The following CACNA2D3 variants were observed in gnomAD, a reference collection of about 807,000 sequenced individuals.
CACNA2D3 encodes calcium voltage-gated channel auxiliary subunit alpha2delta 3.
Under a neutral mutation model 160.6 loss-of-function variants are expected in CACNA2D3, and 60 were observed. That is an observed-to-expected ratio of 0.37 (90% CI 0.30 to 0.46). The LOEUF is 0.46. Ranked by LOEUF, CACNA2D3 falls within the 20% of genes least tolerant of loss-of-function variation. The pLI, the probability that CACNA2D3 is intolerant of heterozygous loss-of-function variation, is 1.00. For synonymous variants in CACNA2D3, 558 were observed against 492.9 expected (o/e 1.13, Z -1.75); for missense variants, 1,205 against 1,365.0 (o/e 0.88, Z 1.85).
intron 21 of CACNA2D3, 132 bp from the exon 22 acceptor site, chr3:54,885,149 C>T (rs1699892284): frequency 8.8e-6 from 7 of 794,320 alleles, no homozygotes; most frequent in East Asian, 2.5e-5. Context: ...AAACCTGCTG[C>T]TCCAAGGCAG....
At chr3:54,210,641 T>C (rs1203757551) in intron 2 of CACNA2D3, among the ~76,000 whole-genome samples, 1 of 152,192 alleles carries the variant, frequency 6.6e-6, no homozygotes. Context: ...CGGGCCATCA[T>C]GTCCTGGAGG....
intron 37 of CACNA2D3, 56 bp from the exon 38 acceptor site, chr3:55,074,058 G>GTTGAAGGTGTCCTGGAGTCTAT: frequency 6.9e-7 from 1 of 1,441,474 alleles, no homozygotes; most frequent in Non-Finnish European, 9.8e-7. Context: ...TCTGGGGAAA[G>GTTGAAGGTGTCCTGGAGTCTAT]TTGAAGGTGT....
At chr3:54,501,892 T>A (rs1225806341) in intron 4 of CACNA2D3, among the ~76,000 whole-genome samples, 1 of 152,236 alleles carries the variant, frequency 6.6e-6, no homozygotes, top group Admixed American at 6.5e-5. Flanking sequence ...GGTAATTTCA[T>A]GGGATACAGA....
chr3:54,149,267 GCACACACACACACA>G (rs3060363), intron 2 of CACNA2D3, among the ~76,000 whole-genome samples: 1 of 144,328 alleles, frequency 6.9e-6, no homozygotes, highest in African/African-American at 2.6e-5. Context: ...GGTCCCATGT[GCACACACACACACA>G]CACACACACA....
intron 9 of CACNA2D3, among the ~76,000 whole-genome samples, chr3:54,613,732 T>C (rs1170434971): frequency 1.3e-5 from 2 of 152,234 alleles, no homozygotes; most frequent in Non-Finnish European, 2.9e-5. Context: ...CATGGTGCGC[T>C]GTGTTCCTTT....
Position 54,386,699 on chromosome 3 carries a change from T to TG in CACNA2D3, c.322-16_322-15insG. Reference sequence around the variant, plus strand: ...GATCCTTAATGCTGTCTTCTGTTTTTTTTTTTTTTTTTTAGCGTCTGGTGG... The same window carrying TG: ...GATCCTTAATGCTGTCTTCTGTTTTTGTTTTTTTTTTTTTAGCGTCTGGTGG... On this transcript the variant is annotated splice_polypyrimidine_tract_variant and intron_variant, in intron 3 of 37. Transcript: ENST00000474759. 6.7e-7 allele frequency: 1 copy of TG among 1,486,482 alleles called. No individual in the cohort carries two copies. The highest frequency in any genetic ancestry group is 8.9e-7 in the Non-Finnish European group (1 of 1,117,708). 92.1% of individuals were successfully genotyped at this position (1,486,482 alleles called of 1,614,324 possible). A position where few individuals can be genotyped will look rare whatever the true frequency, so the allele number is the denominator to read the frequency against.
intron 4 of CACNA2D3, among the ~76,000 whole-genome samples, chr3:54,490,058 G>A (rs1189121368): frequency 6.6e-6 from 1 of 152,182 alleles, no homozygotes; most frequent in Non-Finnish European, 1.5e-5. Flanking sequence ...TGTTTGTTTG[G>A]CTCATGTAGA....
chr3:55,028,044 C>T (rs144873157), intron 35 of CACNA2D3, among the ~76,000 whole-genome samples: 3 of 152,196 alleles, frequency 2.0e-5, no homozygotes. Flanking sequence ...ACCCATATAG[C>T]AGAAGTCTTT....
intron 4 of CACNA2D3, among the ~76,000 whole-genome samples, chr3:54,462,773 G>C (rs372440966): frequency 2.6e-5 from 4 of 152,000 alleles, no homozygotes; most frequent in African/African-American, 4.8e-5. Context: ...TAGTCCATTT[G>C]CATTTAAAGT....
chr3:54,694,030 G>A (rs1004460585), intron 11 of CACNA2D3, among the ~76,000 whole-genome samples: 4 of 152,152 alleles, frequency 2.6e-5, no homozygotes, highest in African/African-American at 4.8e-5. Flanking sequence ...CTTCTAAAGT[G>A]TACAGGAATA....
At chr3:54,885,718 C>A in intron 23 of CACNA2D3, 132 bp downstream of exon 23, 1 of 660,952 alleles carries the variant, frequency 1.5e-6, no homozygotes, top group South Asian at 1.8e-5. Flanking sequence ...GAAATCTAAT[C>A]AAATATCTGC....
rs36019615 is a variant in CACNA2D3, at chr3:54,750,775, C to CTT, written c.1168-1812_1168-1811dup. On this transcript the variant is annotated intron_variant, in intron 11 of 37. Transcript: ENST00000474759. ...TTGGCAATATGAGGCTGGATCTTTG[C>CTT]TTTTTTTTTTTTTGACATAGGCCCT... 1.5e-3 allele frequency among the ~76,000 whole-genome samples: 221 copies of CTT among 144,338 alleles called. 1 individual carries two copies. Among genetic ancestry groups the CTT allele is most frequent in the African/African-American group, 1.7e-3 (67 of 39,114 alleles). 94.7% of individuals were successfully genotyped at this position (144,338 alleles called of 152,430 possible). A position where few individuals can be genotyped will look rare whatever the true frequency, so the allele number is the denominator to read the frequency against.
rs73072204 is a variant in CACNA2D3 at position 54,716,080 on chromosome 3, A to C, written c.1168-36519A>C. On this transcript the variant is annotated intron_variant, in intron 11 of 37. Coordinates refer to ENST00000474759, the MANE Select transcript of CACNA2D3 (RefSeq NM_018398.3). ...CACATTGCGTATCTTGAATATATTC[A>C]ATCTTTGTCAATTATATATTTTAAA... 2.3e-4 allele frequency among the ~76,000 whole-genome samples: 35 copies of C among 152,180 alleles called. 4 individuals carry two copies. Among genetic ancestry groups the C allele is most frequent in the Admixed American group, 1.9e-3 (29 of 15,286 alleles).
chr3:54,272,700 A>G (rs1702645027), intron 2 of CACNA2D3: 1 of 151,438 alleles, frequency 6.6e-6, no homozygotes, highest in African/African-American at 2.4e-5. Context: ...CTTTTGTGAC[A>G]TCGCTTAATT....
chr3:55,031,174 G>T (rs961924490), intron 35 of CACNA2D3, among the ~76,000 whole-genome samples: 1 of 152,170 alleles, frequency 6.6e-6, no homozygotes, highest in African/African-American at 2.4e-5. Flanking sequence ...ATTGACGTCT[G>T]CAAGTTGCAT....
At chr3:54,431,892 G>A (rs9817852) in intron 4 of CACNA2D3, among the ~76,000 whole-genome samples, 3,355 of 152,304 alleles carry the variant, frequency 0.022, 58 homozygotes, top group South Asian at 0.057. Context: ...ACAGGCATGA[G>A]CCACCACACC....
intron 4 of CACNA2D3, among the ~76,000 whole-genome samples, chr3:54,417,862 C>T (rs1172393496): frequency 2.0e-5 from 3 of 151,950 alleles, no homozygotes; most frequent in Non-Finnish European, 4.4e-5. Flanking sequence ...TCATGGCTCA[C>T]TACAGCCCGG....
rs577776308 is a variant in CACNA2D3, at chr3:54,140,570, G to A, written c.204+16976G>A. Among the ~76,000 whole-genome samples, 5 of 152,320 alleles carry A rather than the reference G, an allele frequency of 3.3e-5. No homozygotes were observed. In the South Asian group the frequency reaches 1.0e-3, roughly 32 times the overall value. On this transcript the variant is annotated intron_variant, in intron 2 of 37. Coordinates refer to ENST00000474759, the MANE Select transcript of CACNA2D3 (RefSeq NM_018398.3). ...GGACCAACTAAGGTGACTGCTAGCAGAGGAAGAGGCAAATGCAAATGCAGT... is the reference window on the plus strand; with the variant it reads ...GGACCAACTAAGGTGACTGCTAGCAAAGGAAGAGGCAAATGCAAATGCAGT...
intron 32 of CACNA2D3, among the ~76,000 whole-genome samples, chr3:55,005,733 A>G (rs1703080289): frequency 6.6e-6 from 1 of 152,242 alleles, no homozygotes; most frequent in African/African-American, 2.4e-5. Flanking sequence ...ATGCGTAGAC[A>G]ATGTAAATTT....
Sources: gnomAD v4.1 joint callset for allele counts (sites outside exome capture counted in the v4.1 genomes callset) on GRCh38, gnomAD v4.1.1 for gene constraint, MANE v1.5 for transcripts, NCBI Gene and HGNC (gene_info 2026-07-23, HGNC 2026-07-21) for gene names.